The following GTF3C2 variants were observed in gnomAD, a reference collection of about 807,000 sequenced individuals.
The protein encoded by GTF3C2 is general transcription factor IIIC subunit 2, also known as general transcription factor 3C polypeptide 2.
In GTF3C2, 17 loss-of-function variants were observed where a neutral mutation model predicts 117.4. That is an observed-to-expected ratio of 0.14 (90% confidence interval 0.10 to 0.22). The LOEUF is 0.22. GTF3C2 is among the 10% of genes least tolerant of loss of function. GTF3C2 has a pLI of 1.00. For missense variants in GTF3C2, 888 were observed against 1,143.6 expected (o/e 0.78, Z 3.22); for synonymous variants, 437 against 427.0 (o/e 1.02, Z -0.29).
chr2:27,329,206 A>T lies in GTF3C2; in HGVS notation c.1954T>A (p.Ser652Thr). Residue 652 changes from serine to threonine, a missense_variant, in exon 14 of 19, where the codon TCT becomes ACT. By Grantham distance (58) the Ser-to-Thr change is moderately conservative. This residue lies in a region of GTF3C2 where 277 missense variants were observed against 445.4 expected (regional missense o/e 0.62). Coordinates refer to ENST00000264720, the Ensembl canonical transcript of GTF3C2. This position sits in a 1 kb window ranked among gnomAD's most constrained non-coding sequence, Gnocchi z 4.5. ...TCTGTACTCAAGAAGCGCTTGATAG[A>T]GTTTATGGGTTCGTAAGGACGTCGA... 2 of 1,614,056 alleles carry T rather than the reference A, an allele frequency of 1.2e-6. No homozygotes were observed. The highest frequency in any genetic ancestry group is 1.6e-4 in the Middle Eastern group (1 of 6,062).
chr2:27,330,471 G>GA (rs1213777947), intron 12 of GTF3C2, among the ~76,000 whole-genome samples: 620 of 143,110 alleles, frequency 4.3e-3, no homozygotes, highest in African/African-American at 0.014. Flanking sequence ...CAAAAAAAAA[G>GA]AAAAAAAAAA....
chr2:27,333,072 C>T (rs1458109659), intron 12 of GTF3C2, among the ~76,000 whole-genome samples: 1 of 151,892 alleles, frequency 6.6e-6, no homozygotes, highest in Non-Finnish European at 1.5e-5. Flanking sequence ...TCTTGAACTC[C>T]CAGCCTCAAG....
intron 1 of GTF3C2, among the ~76,000 whole-genome samples, chr2:27,345,710 T>C (rs1680893479): frequency 6.6e-6 from 1 of 151,444 alleles, no homozygotes; most frequent in Non-Finnish European, 1.5e-5. Context: ...TTAAGAAAGC[T>C]TTTCCTTTTT....
At chr2:27,355,829 TG>T (rs1265373380) in intron 1 of GTF3C2, among the ~76,000 whole-genome samples, 1 of 152,222 alleles carries the variant, frequency 6.6e-6, no homozygotes, top group Non-Finnish European at 1.5e-5. Flanking sequence ...ATGATTTTAA[TG>T]GTACGAAAAC....
At chr2:27,356,204 A>C (rs1681371063) in intron 1 of GTF3C2, 3 of 763,594 alleles carry the variant, frequency 3.9e-6, no homozygotes, top group Non-Finnish European at 5.9e-6. Context: ...GGGAAACACA[A>C]CTGGCCCTTG....
intron 1 of GTF3C2, among the ~76,000 whole-genome samples, chr2:27,352,820 T>C (rs1372492543): frequency 6.6e-6 from 1 of 152,166 alleles, no homozygotes; most frequent in Non-Finnish European, 1.5e-5. Flanking sequence ...AATGGACATT[T>C]CTCAGCCTCA....
exon 19 of GTF3C2, chr2:27,326,491 AG>A (rs35921404): frequency 3.3e-6 from 2 of 608,942 alleles, no homozygotes; most frequent in Non-Finnish European, 5.9e-6. Flanking sequence ...CCCTGCCCGC[AG>A]GGGGCTGTGA....
chr2:27,332,682 G>A (rs1425194370), intron 12 of GTF3C2, among the ~76,000 whole-genome samples: 2 of 151,952 alleles, frequency 1.3e-5, no homozygotes. Flanking sequence ...CCAGAGTGCT[G>A]GGATTACAGG....
intron 1 of GTF3C2, chr2:27,356,427 G>C: frequency 4.0e-6 from 1 of 249,136 alleles, no homozygotes; most frequent in Non-Finnish European, 8.5e-6. Flanking sequence ...ACTACTGTAG[G>C]TTCGCCGAGT....
intron 12 of GTF3C2, among the ~76,000 whole-genome samples, chr2:27,332,564 G>A (rs533176912): frequency 1.6e-4 from 25 of 151,542 alleles, no homozygotes; most frequent in Middle Eastern, 3.4e-3. Flanking sequence ...ACAGGAGCCC[G>A]CCACCACGCC....
At chr2:27,333,869 G>A in intron 11 of GTF3C2, 85 bp from the exon 12 acceptor site, 2 of 1,477,084 alleles carry the variant, frequency 1.4e-6, no homozygotes, top group Non-Finnish European at 1.9e-6. Flanking sequence ...TAATCCAGCA[G>A]GATGAGGGTA....
At chr2:27,344,518 AAGAG>A in intron 1 of GTF3C2, among the ~76,000 whole-genome samples, 1 of 152,270 alleles carries the variant, frequency 6.6e-6, no homozygotes, top group Non-Finnish European at 1.5e-5. Flanking sequence ...TCCAAAAAAG[AAGAG>A]AGAGAAAAAT....
chr2:27,348,834 G>A (rs1313316260), intron 1 of GTF3C2, among the ~76,000 whole-genome samples: 1 of 152,086 alleles, frequency 6.6e-6, no homozygotes, highest in Non-Finnish European at 1.5e-5. Flanking sequence ...TTTTAATTTT[G>A]TATTTATTTA....
chr2:27,334,200 C>CTT (rs368640856), intron 10 of GTF3C2, among the ~76,000 whole-genome samples: 1 of 143,782 alleles, frequency 7.0e-6, no homozygotes, highest in Admixed American at 7.0e-5. Context: ...CAGGCCTTGC[C>CTT]TTTTTTTTTT....
intron 7 of GTF3C2, 102 bp downstream of exon 7, chr2:27,337,142 C>A: frequency 1.4e-6 from 1 of 689,992 alleles, no homozygotes; most frequent in Non-Finnish European, 2.5e-6. Flanking sequence ...ACTGAACCAG[C>A]ATCAGGGGAA....
intron 18 of GTF3C2, 30 bp downstream of exon 18, chr2:27,327,147 G>A: frequency 8.5e-7 from 1 of 1,179,312 alleles, no homozygotes; most frequent in Non-Finnish European, 1.3e-6. Context: ...GGGGAAATGA[G>A]AGTGGAGGGT....
chr2:27,334,373 C>T (rs561879668), intron 10 of GTF3C2, among the ~76,000 whole-genome samples: 14 of 152,208 alleles, frequency 9.2e-5, no homozygotes, highest in African/African-American at 3.4e-4. Flanking sequence ...CCTTCTGTTA[C>T]ACCTGATAGT....
chr2:27,342,273 A>C, intron 3 of GTF3C2, 40 bp from the exon 4 acceptor site: 3 of 1,532,944 alleles, frequency 2.0e-6, no homozygotes, highest in Non-Finnish European at 2.7e-6. Flanking sequence ...CTCACATATG[A>C]CTGAGAACCC....
At chr2:27,345,759 G>C (rs1680896118) in intron 1 of GTF3C2, among the ~76,000 whole-genome samples, 1 of 150,748 alleles carries the variant, frequency 6.6e-6, no homozygotes, top group Non-Finnish European at 1.5e-5. Context: ...CGTTGCCCAG[G>C]CTGGAGTGCA....
Sources: gnomAD v4.1 joint callset for allele counts (sites outside exome capture counted in the v4.1 genomes callset) on GRCh38, gnomAD v4.1.1 for gene constraint, gnomAD v4.1.1 regional missense constraint, Gnocchi (gnomAD v3.1) non-coding constraint, MANE v1.5 for transcripts, NCBI Gene and HGNC (gene_info 2026-07-23, HGNC 2026-07-21) for gene names.